The following ABCB5 variants were observed in gnomAD, a reference collection of about 807,000 sequenced individuals.
ABCB5 encodes the protein ATP-binding cassette sub-family B member 5.
A neutral mutation model predicts 144.2 loss-of-function variants in ABCB5; 155 were observed. That is an observed-to-expected ratio of 1.08 (90% CI 0.94 to 1.23). ABCB5 has a LOEUF of 1.23. ABCB5 is among the 50% of genes most tolerant of loss of function. ABCB5 has a pLI of 0.00. For missense variants in ABCB5, 1,830 were observed against 1,520.8 expected, an observed-to-expected ratio of 1.20 and a Z score of -3.38; for synonymous variants, 610 against 528.6, an observed-to-expected ratio of 1.15 and a Z score of -2.11.
Position 20,710,583 on chromosome 7 carries a change from T to C in ABCB5, c.2421+5776T>C, listed in dbSNP as rs142003660. Among the ~76,000 whole-genome samples the C allele has an allele frequency of 3.1e-3, 469 of 149,816 alleles. 41 individuals carry two copies. The highest frequency in any genetic ancestry group is 0.011 in the African/African-American group (449 of 40,618). ...TCAGATTTGGCCTGTAATCTATAGT[T>C]TGTCAACCCACGCAATAAAAAATCC... On this transcript the variant is annotated intron_variant, in intron 20 of 27. Coordinates refer to ENST00000404938, the MANE Select transcript of ABCB5 (RefSeq NM_001163941.2).
At chr7:20,731,367 A>ATATAT (rs201572539) in intron 23 of ABCB5, among the ~76,000 whole-genome samples, 402 of 108,450 alleles carry the variant, frequency 3.7e-3, no homozygotes, top group African/African-American at 5.6e-3. Context: ...AAAAAAAAAA[A>ATATAT]AAATATATAT....
At chr7:20,634,108 G>A (rs546696686) in intron 5 of ABCB5, among the ~76,000 whole-genome samples, 2 of 151,678 alleles carry the variant, frequency 1.3e-5, no homozygotes, top group South Asian at 2.1e-4. Context: ...ACTTATAAGT[G>A]AGAACTTGTG....
At chr7:20,667,716 CCTGCCCCTGCCCCTGCCT>C (rs1562551058) in intron 14 of ABCB5, among the ~76,000 whole-genome samples, 3 of 20,586 alleles carry the variant, frequency 1.5e-4, no homozygotes, top group East Asian at 6.0e-3. Context: ...TGCCCCTGCC[CCTGCCCCTGCCCCTGCCT>C]CTGCCTCTGC....
At chr7:20,677,992 G>C (rs1034769559) in intron 14 of ABCB5, among the ~76,000 whole-genome samples, 2 of 152,122 alleles carry the variant, frequency 1.3e-5, no homozygotes, top group Non-Finnish European at 2.9e-5. Flanking sequence ...TAAGCCAAGA[G>C]TCATGCCCTT....
chr7:20,628,892 A>G (rs1192757777), intron 4 of ABCB5, 54 bp downstream of exon 4: 36 of 1,582,604 alleles, frequency 2.3e-5, no homozygotes, highest in Non-Finnish European at 1.7e-6. Flanking sequence ...CATTGAATAA[A>G]GCAAACAAAC....
In ABCB5 at chr7:20,711,790, T is replaced by TCTCTCTC. The variant is rs1787053199; in HGVS notation, c.2421+6983_2421+6984insCTCTCTC. ...CCTTTCCTTCTTTCTCTTTCTTTCT[T>TCTCTCTC]TCTTTCTTTCTTTCTTTCTTTCTTT... On this transcript the variant is annotated intron_variant, in intron 20 of 27. Transcript: ENST00000404938. Among the ~76,000 whole-genome samples, 27 of 46,042 alleles carry TCTCTCTC rather than the reference T, an allele frequency of 5.9e-4. 3 individuals carry two copies. Among genetic ancestry groups the TCTCTCTC allele is most frequent in the African/African-American group, 2.3e-3 (22 of 9,746 alleles). The allele number at this position is 46,042 out of a possible 152,430, so 30.2% of individuals were successfully genotyped here.
chr7:20,711,836 C>T (rs1583442889), intron 20 of ABCB5, among the ~76,000 whole-genome samples: 2 of 57,368 alleles, frequency 3.5e-5, no homozygotes, highest in South Asian at 5.5e-4. Flanking sequence ...TTCTTTCTTT[C>T]TTTCTTTCTT....
At chr7:20,654,793 AT>A (rs1784717734) in intron 13 of ABCB5, among the ~76,000 whole-genome samples, 1 of 152,160 alleles carries the variant, frequency 6.6e-6, no homozygotes. Context: ...TGAAATTGCA[AT>A]GTATTAGTAT....
At chr7:20,649,131 A>T (rs1784501647) in intron 11 of ABCB5, among the ~76,000 whole-genome samples, 1 of 152,296 alleles carries the variant, frequency 6.6e-6, no homozygotes, top group East Asian at 1.9e-4. Context: ...AAATAAATAA[A>T]TTCTTTCAAG....
intron 14 of ABCB5, among the ~76,000 whole-genome samples, chr7:20,678,321 T>C (rs549406501): frequency 3.9e-4 from 59 of 152,272 alleles, no homozygotes; most frequent in African/African-American, 1.2e-3. Context: ...TTGAAAGAAA[T>C]TATCACCTGC....
At chr7:20,726,876 T>A (rs192025161) in intron 21 of ABCB5, among the ~76,000 whole-genome samples, 164 bp from the exon 22 acceptor site, 3 of 152,232 alleles carry the variant, frequency 2.0e-5, no homozygotes, top group East Asian at 3.8e-4. Context: ...GTCATTTTTC[T>A]ATCTTATTTT....
intron 12 of ABCB5, 64 bp downstream of exon 12, chr7:20,650,211 GGCA>G (rs1784539919): frequency 1.9e-6 from 3 of 1,568,810 alleles, no homozygotes; most frequent in Non-Finnish European, 2.6e-6. Flanking sequence ...CCGCAGGGCT[GGCA>G]GCTCTGTAAC....
At position 20,646,077 on chromosome 7, in the gene ABCB5, G is replaced by A. The variant is rs1426005730; in HGVS notation, c.920G>A (p.Trp307Ter). Residue 307 changes from tryptophan (W) to a stop codon, truncating the protein, a stop_gained, in exon 9 of 28, where the codon TGG becomes TAG. Coordinates refer to ENST00000404938, the MANE Select transcript of ABCB5 (RefSeq NM_001163941.2). LOFTEE classifies it high-confidence loss of function. The stretch of plus-strand genomic sequence containing the variant: ...AATGGAACCTATGGACTTGCTTTTT[G>A]GTATGGAACCTCCTTGATTCTTAAT... The part of the protein sequence containing the change: ...FMNGTYGLAF[W>*]YGTSLILNGE... 4 of 1,613,614 alleles carry A rather than the reference G, an allele frequency of 2.5e-6. No homozygotes were observed. The highest frequency in any genetic ancestry group is 3.4e-6 in the Non-Finnish European group (4 of 1,179,782).
Position 20,650,123 on chromosome 7 carries a change from G to C in ABCB5, c.1308G>C (p.Arg436Ser). 6.2e-7 allele frequency: 1 copy of C among 1,613,554 alleles called. No homozygotes were observed. Among genetic ancestry groups the C allele is most frequent in the Non-Finnish European group, 8.5e-7 (1 of 1,179,606 alleles). Residue 436 changes from arginine to serine, a missense_variant, in exon 12 of 28, where the codon AGG becomes AGC. Transcript: ENST00000404938. ...GTACGGTAGTCCAGCTTCTGCAGAG[G>C]TTATATGATCCGGATGATGGCTTTG... The part of the protein sequence containing the change: ...GKSTVVQLLQ[R>S]LYDPDDGFIM...
At chr7:20,672,570 A>G (rs915035041) in intron 14 of ABCB5, among the ~76,000 whole-genome samples, 2 of 152,194 alleles carry the variant, frequency 1.3e-5, no homozygotes, top group African/African-American at 2.4e-5. Context: ...AAAGTAAAAT[A>G]AAATTTTAAA....
At chr7:20,730,630 T>A (rs935877386) in intron 23 of ABCB5, among the ~76,000 whole-genome samples, 5 of 152,214 alleles carry the variant, frequency 3.3e-5, no homozygotes, top group Admixed American at 1.3e-4. Context: ...TATTTAGGCT[T>A]GGGTTTCATT....
intron 16 of ABCB5, among the ~76,000 whole-genome samples, chr7:20,693,712 A>C (rs1786310185): frequency 6.6e-6 from 1 of 152,044 alleles, no homozygotes; most frequent in Non-Finnish European, 1.5e-5. Flanking sequence ...ACAAAGAAAA[A>C]TCAATCAAAT....
At chr7:20,700,030 C>G in intron 18 of ABCB5, 28 bp from the exon 19 acceptor site, 1 of 1,606,812 alleles carries the variant, frequency 6.2e-7, no homozygotes, top group Non-Finnish European at 8.5e-7. Flanking sequence ...AGGAAAAGAA[C>G]GTAGATTTTT....
chr7:20,658,797 A>G, intron 14 of ABCB5, 121 bp downstream of exon 14: 1 of 1,229,646 alleles, frequency 8.1e-7, no homozygotes, highest in Non-Finnish European at 1.1e-6. Context: ...GTATAAAGGC[A>G]GGATGTTAAT....
Sources: gnomAD v4.1 joint callset for allele counts (sites outside exome capture counted in the v4.1 genomes callset) on GRCh38, gnomAD v4.1.1 for gene constraint, MANE v1.5 for transcripts, NCBI Gene and HGNC (gene_info 2026-07-23, HGNC 2026-07-21) for gene names.